LMAN2L: variants seen among roughly 807,000 people sequenced by gnomAD.
LMAN2L encodes VIP36-like protein.
LMAN2L carries 30 observed loss-of-function variants against 44.3 expected under a neutral mutation model. The ratio of observed to expected loss-of-function variants is 0.68; its 90% CI spans 0.51 to 0.92. The LOEUF is 0.92. LMAN2L is among the 40% of genes least tolerant of loss of function. LMAN2L has a pLI of 0.00. For missense variants in LMAN2L, 429 were observed against 446.1 expected (o/e 0.96, Z 0.35); for synonymous variants, 183 against 171.1 (o/e 1.07, Z -0.54).
intron 4 of LMAN2L, among the ~76,000 whole-genome samples, chr2:96,716,062 CAT>C (rs1028016253): frequency 6.6e-6 from 1 of 152,110 alleles, no homozygotes; most frequent in African/African-American, 2.4e-5. Context: ...CACAGGTACT[CAT>C]ATATATATAA....
intron 4 of LMAN2L, among the ~76,000 whole-genome samples, chr2:96,724,047 C>A (rs186836559): frequency 0.028 from 4,189 of 150,912 alleles, 195 homozygotes; most frequent in African/African-American, 0.098. Flanking sequence ...TGCAGTGAGC[C>A]GAGATCGTGC....
intron 4 of LMAN2L, among the ~76,000 whole-genome samples, chr2:96,721,444 C>G (rs2078153284): frequency 1.3e-5 from 2 of 149,344 alleles, no homozygotes; most frequent in South Asian, 4.3e-4. Flanking sequence ...GTGATCCACT[C>G]ACCTTGGTCT....
In LMAN2L at chr2:96,711,652, G is replaced by A; in HGVS notation, c.784+4C>T. ...GGGCAAACCAAGAGTGCGCGTGGCA[G>A]TACCTGAGAGATCCCCAGTGATGGA... On this transcript the variant is annotated splice_donor_region_variant and intron_variant, in intron 6 of 7. Transcript: ENST00000264963. 6.2e-7 allele frequency: 1 copy of A among 1,602,740 alleles called. No homozygotes were observed. Among genetic ancestry groups the A allele is most frequent in the Non-Finnish European group, 8.5e-7 (1 of 1,170,350 alleles).
At chr2:96,725,086 C>T (rs1017515653) in intron 4 of LMAN2L, among the ~76,000 whole-genome samples, 9 of 152,188 alleles carry the variant, frequency 5.9e-5, no homozygotes, top group Non-Finnish European at 2.9e-5. Flanking sequence ...CTGCCTCAGC[C>T]TCCCAAAGTG....
chr2:96,720,079 G>C (rs1279348857), intron 4 of LMAN2L, among the ~76,000 whole-genome samples: 1 of 152,004 alleles, frequency 6.6e-6, no homozygotes, highest in African/African-American at 2.4e-5. Flanking sequence ...GGATGGCATG[G>C]TATTGTTAAA....
chr2:96,712,334 A>G (rs1164632917), intron 4 of LMAN2L, among the ~76,000 whole-genome samples: 2 of 152,180 alleles, frequency 1.3e-5, no homozygotes, highest in Non-Finnish European at 2.9e-5. Flanking sequence ...ACCATTTGGC[A>G]CTTATGTGCC....
rs563490513 is a variant in LMAN2L at position 96,718,595 on chromosome 2, G to C, written c.508-6570C>G. On this transcript the variant is annotated intron_variant, in intron 4 of 7. Transcript: ENST00000264963. Reference sequence around the variant, plus strand: ...TTCATCCTCCCTGGGATCACTAGCGGAACACACTGTCACTTACACACGTAG... The same window carrying C: ...TTCATCCTCCCTGGGATCACTAGCGCAACACACTGTCACTTACACACGTAG... Among the ~76,000 whole-genome samples the C allele has an allele frequency of 2.0e-5, 3 of 152,160 alleles. No homozygotes were observed. In the East Asian group the frequency reaches 5.8e-4, roughly 29 times the overall value.
chr2:96,713,435 AG>A (rs1274121292), intron 4 of LMAN2L, among the ~76,000 whole-genome samples: 1 of 152,184 alleles, frequency 6.6e-6, no homozygotes, highest in East Asian at 1.9e-4. Context: ...TAACCCATAG[AG>A]GGTCCTGAAG....
intron 3 of LMAN2L, 130 bp from the exon 4 acceptor site, chr2:96,733,731 CAT>C (rs1238602998): frequency 1.7e-5 from 12 of 716,606 alleles, no homozygotes; most frequent in Non-Finnish European, 2.6e-5. Context: ...TGAGAAAACA[CAT>C]GTTTAAAAGT....
At chr2:96,731,309 C>T (rs986084848) in intron 4 of LMAN2L, among the ~76,000 whole-genome samples, 1 of 152,176 alleles carries the variant, frequency 6.6e-6, no homozygotes, top group Admixed American at 6.5e-5. Context: ...AACTGATCCA[C>T]AACAAAAGGT....
At chr2:96,707,606 C>G (rs1327341816) in intron 7 of LMAN2L, 108 bp downstream of exon 7, 10 of 1,394,960 alleles carry the variant, frequency 7.2e-6, no homozygotes, top group Non-Finnish European at 7.9e-6. Flanking sequence ...GTGCTCCCTA[C>G]CCTTCAGAAG....
intron 3 of LMAN2L, 127 bp downstream of exon 3, chr2:96,734,282 G>A (rs924125155): frequency 5.6e-6 from 4 of 714,150 alleles, no homozygotes; most frequent in Non-Finnish European, 1.0e-5. Flanking sequence ...AAGGGCCAGT[G>A]TTCATCCACA....
At chr2:96,716,485 T>C (rs547236769) in intron 4 of LMAN2L, among the ~76,000 whole-genome samples, 1 of 152,332 alleles carries the variant, frequency 6.6e-6, no homozygotes, top group African/African-American at 2.4e-5. Flanking sequence ...CCATTTGCTT[T>C]TGGGAACCCA....
chr2:96,728,902 GT>G (rs2078332283), intron 4 of LMAN2L, among the ~76,000 whole-genome samples: 1 of 151,500 alleles, frequency 6.6e-6, no homozygotes, highest in Non-Finnish European at 1.5e-5. Flanking sequence ...GCCAGGCGCA[GT>G]GGCTCACCCC....
At chr2:96,726,665 T>A (rs761050311) in intron 4 of LMAN2L, among the ~76,000 whole-genome samples, 2 of 151,950 alleles carry the variant, frequency 1.3e-5, no homozygotes, top group Non-Finnish European at 2.9e-5. Context: ...GCGCCTGTAA[T>A]CCCAGCTGCT....
rs2077771421 is a variant in LMAN2L, at chr2:96,706,029, GA to G, written c.*1226del. On this transcript the variant is annotated 3_prime_UTR_variant, in exon 8 of 8. Transcript: ENST00000264963. ...TCCAAGGAGACTCTGGCCTGTAACT[GA>G]TTTAATCCCAGGGCAGTAAGGTGAG... 1 of 152,550 alleles carries G rather than the reference GA, an allele frequency of 6.6e-6. No individual in the cohort carries two copies. The highest frequency in any genetic ancestry group is 2.1e-4 in the South Asian group (1 of 4,822). 9.4% of individuals were successfully genotyped at this position (152,550 alleles called of 1,614,324 possible).
At chr2:96,728,505 C>CG (rs1558959742) in intron 4 of LMAN2L, among the ~76,000 whole-genome samples, 3 of 87,802 alleles carry the variant, frequency 3.4e-5, no homozygotes, top group South Asian at 4.5e-4. Context: ...GACTCCGTCT[C>CG]AAAAAAAAAA....
chr2:96,724,682 T>C (rs2078230229), intron 4 of LMAN2L, among the ~76,000 whole-genome samples: 1 of 152,152 alleles, frequency 6.6e-6, no homozygotes, highest in South Asian at 2.1e-4. Flanking sequence ...AGTCTTGCTC[T>C]GTTGCCCAGG....
At chr2:96,710,499 C>T (rs1035400273) in intron 6 of LMAN2L, among the ~76,000 whole-genome samples, 1 of 152,112 alleles carries the variant, frequency 6.6e-6, no homozygotes, top group African/African-American at 2.4e-5. Flanking sequence ...AACCCCGTTT[C>T]TACTAAAAAT....
Sources: allele counts gnomAD v4.1 joint callset (sites outside exome capture counted in the v4.1 genomes callset), GRCh38; gene constraint gnomAD v4.1.1; transcripts MANE v1.5; gene names NCBI Gene and HGNC (gene_info 2026-07-23, HGNC 2026-07-21).